The following CDH13 variants were observed in gnomAD, a reference collection of about 807,000 sequenced individuals.
CDH13 encodes the protein cadherin-13.
In CDH13, 24 loss-of-function variants were observed where a neutral mutation model predicts 63.8. That is an observed-to-expected ratio of 0.38 (90% CI 0.27 to 0.53). The LOEUF is 0.53. Among genes scored for constraint, CDH13 ranks in the 20% least tolerant of loss-of-function variants. CDH13 has a pLI of 0.85. For missense variants in CDH13, 1,049 were observed against 903.1 expected (o/e 1.16, Z -2.07); for synonymous variants, 503 against 355.3 (o/e 1.42, Z -4.67).
chr16:83,034,879 T>A (rs1916705799), intron 3 of CDH13, among the ~76,000 whole-genome samples: 1 of 152,126 alleles, frequency 6.6e-6, no homozygotes, highest in African/African-American at 2.4e-5. Context: ...CCTGGCTGTT[T>A]CTCGCTTGCT....
At chr16:83,296,540 G>T (rs2089602080) in intron 5 of CDH13, among the ~76,000 whole-genome samples, 1 of 152,170 alleles carries the variant, frequency 6.6e-6, no homozygotes, top group Non-Finnish European at 1.5e-5. Context: ...AGTAATGTCT[G>T]CCTCGGAGTG....
chr16:83,077,350 C>T (rs757533099), intron 3 of CDH13, among the ~76,000 whole-genome samples: 9 of 151,436 alleles, frequency 5.9e-5, no homozygotes, highest in Non-Finnish European at 1.3e-4. Context: ...CACCACCATG[C>T]CTGGCTAATT....
chr16:82,904,429 A>G (rs1407366885), intron 2 of CDH13, among the ~76,000 whole-genome samples: 4 of 152,138 alleles, frequency 2.6e-5, no homozygotes, highest in Non-Finnish European at 4.4e-5. Flanking sequence ...TTTCTCCAAG[A>G]CACCCTCGTT....
intron 2 of CDH13, among the ~76,000 whole-genome samples, chr16:82,879,808 A>T (rs1230377868): frequency 7.5e-6 from 1 of 133,342 alleles, no homozygotes; most frequent in African/African-American, 2.7e-5. Context: ...AATATATATT[A>T]TATAATTTAT....
chr16:83,795,145 C>G lies in CDH13; in HGVS notation c.*115C>G. ...GCTATCGAACTTCACAACTAGGCCT[C>G]AATTGTTCCGGTTTTTTATTTTCTT... is the stretch of plus-strand genomic sequence containing the variant. On this transcript the variant is annotated 3_prime_UTR_variant, in exon 14 of 14. Transcript: ENST00000567109. The G allele has an allele frequency of 1.2e-6, 1 of 812,610 alleles. No homozygotes were observed. Among genetic ancestry groups the G allele is most frequent in the South Asian group, 1.7e-5 (1 of 59,826 alleles). 50.3% of individuals were successfully genotyped at this position (812,610 alleles called of 1,614,324 possible).
chr16:83,635,760 G>C (rs1323082671), intron 8 of CDH13, among the ~76,000 whole-genome samples: 12 of 152,102 alleles, frequency 7.9e-5, no homozygotes, highest in Admixed American at 7.9e-4. Context: ...TGGCTTGTCT[G>C]TTCGTTATCT....
intron 8 of CDH13, among the ~76,000 whole-genome samples, chr16:83,632,360 GC>G (rs1370314842): frequency 6.6e-6 from 1 of 151,798 alleles, no homozygotes; most frequent in African/African-American, 2.4e-5. Flanking sequence ...TTCCTTAGAT[GC>G]TTTGGGCCTC....
intron 1 of CDH13, among the ~76,000 whole-genome samples, chr16:82,691,994 T>C (rs764268660): frequency 1.3e-5 from 2 of 152,228 alleles, no homozygotes; most frequent in African/African-American, 2.4e-5. Context: ...GTAAAGCATG[T>C]CTATCTTCCC....
At chr16:82,856,168 A>C (rs1475464022) in intron 1 of CDH13, among the ~76,000 whole-genome samples, 1 of 151,880 alleles carries the variant, frequency 6.6e-6, no homozygotes, top group Non-Finnish European at 1.5e-5. Flanking sequence ...CGAGGTCAGC[A>C]GATCGAGACC....
intron 1 of CDH13, among the ~76,000 whole-genome samples, chr16:82,745,176 C>G (rs577345872): frequency 6.6e-6 from 1 of 152,286 alleles, no homozygotes; most frequent in Admixed American, 6.5e-5. Context: ...TGGTTACCCC[C>G]TCAGACTCAG....
intron 11 of CDH13, among the ~76,000 whole-genome samples, chr16:83,762,502 A>G (rs149103151): frequency 6.6e-6 from 1 of 152,334 alleles, no homozygotes; most frequent in Non-Finnish European, 1.5e-5. Context: ...AGCAATTAGC[A>G]CTGGCCAAAT....
chr16:82,629,359 A>G (rs1409465016), intron 1 of CDH13, among the ~76,000 whole-genome samples: 1 of 152,260 alleles, frequency 6.6e-6, no homozygotes. Flanking sequence ...AAATGTCCAC[A>G]TTAGGATAGT....
intron 8 of CDH13, among the ~76,000 whole-genome samples, chr16:83,618,705 A>T (rs560840170): frequency 2.6e-4 from 39 of 152,224 alleles, no homozygotes; most frequent in African/African-American, 8.7e-4. Flanking sequence ...CATAAACTGC[A>T]GAGATCCCTG....
chr16:83,260,841 A>T (rs1050672572), intron 5 of CDH13, among the ~76,000 whole-genome samples: 3 of 152,264 alleles, frequency 2.0e-5, no homozygotes, highest in African/African-American at 7.2e-5. Context: ...ATGAAGTTAA[A>T]AGTCAGCAAA....
chr16:83,169,856 C>T (rs568931688), intron 4 of CDH13, among the ~76,000 whole-genome samples: 2 of 152,168 alleles, frequency 1.3e-5, no homozygotes, highest in Non-Finnish European at 2.9e-5. Context: ...TTGGCCTGTT[C>T]CAAAATCAAA....
At chr16:82,810,739 G>A (rs1189089731) in intron 1 of CDH13, among the ~76,000 whole-genome samples, 1 of 152,130 alleles carries the variant, frequency 6.6e-6, no homozygotes, top group African/African-American at 2.4e-5. Flanking sequence ...GGTTTTGCGT[G>A]TGAAGAGCAT....
intron 2 of CDH13, among the ~76,000 whole-genome samples, chr16:82,863,201 G>A (rs1430986392): frequency 6.6e-6 from 1 of 152,174 alleles, no homozygotes; most frequent in Non-Finnish European, 1.5e-5. Context: ...CTGTCTTGGA[G>A]TAACCAAGGC....
At chr16:82,974,123 G>A (rs1351782321) in intron 2 of CDH13, among the ~76,000 whole-genome samples, 1 of 152,126 alleles carries the variant, frequency 6.6e-6, no homozygotes, top group Non-Finnish European at 1.5e-5. Flanking sequence ...ATTTTCAGTA[G>A]AGACAGGGTT....
intron 10 of CDH13, among the ~76,000 whole-genome samples, chr16:83,694,663 C>G (rs980957596): frequency 6.6e-6 from 1 of 152,102 alleles, no homozygotes; most frequent in Admixed American, 6.5e-5. Flanking sequence ...GGGCCAGCAA[C>G]CAGGTAAATC....
Sources: allele counts gnomAD v4.1 joint callset (sites outside exome capture counted in the v4.1 genomes callset), GRCh38; gene constraint gnomAD v4.1.1; transcripts MANE v1.5; gene names NCBI Gene and HGNC (gene_info 2026-07-23, HGNC 2026-07-21).